CCSER1: variants seen among roughly 807,000 people sequenced by gnomAD.
The protein encoded by CCSER1 is coiled-coil serine rich protein 1, also known as serine-rich coiled-coil domain-containing protein 1.
A neutral mutation model predicts 82.0 loss-of-function variants in CCSER1; 41 were observed. The observed-to-expected ratio is 0.50, with a 90% CI of 0.39 to 0.65. CCSER1 has a LOEUF of 0.65. CCSER1 is among the 30% of genes least tolerant of loss of function. The pLI, the probability that CCSER1 is intolerant of heterozygous loss-of-function variation, is 0.00. For synonymous variants in CCSER1, 414 were observed against 383.9 expected, an observed-to-expected ratio of 1.08 and a Z score of -0.92; for missense variants, 1,119 against 1,064.2, an observed-to-expected ratio of 1.05 and a Z score of -0.72.
intron 10 of CCSER1, among the ~76,000 whole-genome samples, chr4:91,294,746 G>T (rs1744028772): frequency 6.6e-6 from 1 of 151,710 alleles, no homozygotes; most frequent in Non-Finnish European, 1.5e-5. Context: ...AAACTCATTG[G>T]ATTTAGGATT....
At chr4:90,306,365 GAT>G (rs142168111) in intron 1 of CCSER1, among the ~76,000 whole-genome samples, 4,795 of 152,144 alleles carry the variant, frequency 0.032, 191 homozygotes, top group African/African-American at 0.096. Context: ...TACAAAAAAT[GAT>G]ATGTATATGA....
chr4:91,054,837 G>T (rs1056138259), intron 9 of CCSER1, among the ~76,000 whole-genome samples: 1 of 152,070 alleles, frequency 6.6e-6, no homozygotes, highest in Non-Finnish European at 1.5e-5. Context: ...CAGCATGTTG[G>T]TGCTCAAAGA....
At chr4:90,998,153 T>C (rs1737664949) in intron 9 of CCSER1, among the ~76,000 whole-genome samples, 1 of 152,174 alleles carries the variant, frequency 6.6e-6, no homozygotes, top group Non-Finnish European at 1.5e-5. Context: ...CGATCTTGGC[T>C]CACCGCAACC....
At chr4:90,595,510 CTTGTATT>C (rs1178176919) in intron 5 of CCSER1, among the ~76,000 whole-genome samples, 1 of 133,274 alleles carries the variant, frequency 7.5e-6, no homozygotes, top group Non-Finnish European at 1.6e-5. Context: ...CTGGGCTTAG[CTTGTATT>C]CCTAGTTTGG....
intron 3 of CCSER1, among the ~76,000 whole-genome samples, chr4:90,326,186 G>A (rs978894605): frequency 4.0e-5 from 6 of 151,004 alleles, no homozygotes; most frequent in Admixed American, 1.3e-4. Flanking sequence ...AGCCTCCTGA[G>A]TAGCTGGGAC....
intron 5 of CCSER1, among the ~76,000 whole-genome samples, chr4:90,484,402 C>T (rs1470922329): frequency 6.6e-6 from 1 of 152,164 alleles, no homozygotes; most frequent in African/African-American, 2.4e-5. Context: ...CAGCTTTATT[C>T]CATTGCTGGT....
At chr4:91,058,112 C>G (rs1010984820) in intron 9 of CCSER1, among the ~76,000 whole-genome samples, 2 of 152,002 alleles carry the variant, frequency 1.3e-5, no homozygotes, top group East Asian at 3.9e-4. Flanking sequence ...TTTCATCACC[C>G]AGGTGTTAAG....
intron 9 of CCSER1, among the ~76,000 whole-genome samples, chr4:90,957,842 A>T (rs930155616): frequency 6.6e-6 from 1 of 151,372 alleles, no homozygotes; most frequent in African/African-American, 2.4e-5. Flanking sequence ...CTAACAGATT[A>T]TCACATATTG....
At chr4:91,229,836 GGTT>G (rs1489235956) in intron 10 of CCSER1, among the ~76,000 whole-genome samples, 2 of 152,020 alleles carry the variant, frequency 1.3e-5, no homozygotes, top group Non-Finnish European at 2.9e-5. Flanking sequence ...GCTTGTCGGG[GGTT>G]GAGGGGAAAA....
intron 10 of CCSER1, among the ~76,000 whole-genome samples, chr4:91,582,483 C>G (rs1763779104): frequency 6.6e-6 from 1 of 151,530 alleles, no homozygotes; most frequent in Admixed American, 6.6e-5. Flanking sequence ...TTGGGATTTA[C>G]TATTGCTCAA....
intron 10 of CCSER1, among the ~76,000 whole-genome samples, chr4:91,126,585 AT>A (rs1180357957): frequency 2.0e-5 from 3 of 151,976 alleles, no homozygotes; most frequent in African/African-American, 7.2e-5. Context: ...ATTAGATAAA[AT>A]TCATGTGATT....
At chr4:90,589,469 A>G (rs1017036566) in intron 5 of CCSER1, among the ~76,000 whole-genome samples, 1 of 152,100 alleles carries the variant, frequency 6.6e-6, no homozygotes, top group Non-Finnish European at 1.5e-5. Context: ...TTGGATTTTT[A>G]TGATTTACAA....
chr4:91,604,849 C>T lies in CCSER1; in HGVS notation c.*5792C>T, dbSNP rs1028766527. On this transcript the variant is annotated 3_prime_UTR_variant, in exon 11 of 11. Coordinates refer to ENST00000509176, the MANE Select transcript of CCSER1 (RefSeq NM_001145065.2). Reference sequence around the variant, plus strand: ...AATAAAATGTATTATATTTTGTAGTCAATTATATATACCAAAATAATGTCT... The same window carrying T: ...AATAAAATGTATTATATTTTGTAGTTAATTATATATACCAAAATAATGTCT... The T allele has an allele frequency of 6.6e-6, 1 of 151,800 alleles. No individual in the cohort carries two copies. The highest frequency in any genetic ancestry group is 2.4e-5 in the African/African-American group (1 of 41,374). 9.4% of individuals were successfully genotyped at this position (151,800 alleles called of 1,614,324 possible).
At chr4:90,662,810 C>T (rs1731072463) in intron 6 of CCSER1, among the ~76,000 whole-genome samples, 1 of 152,158 alleles carries the variant, frequency 6.6e-6, no homozygotes, top group Admixed American at 6.6e-5. Context: ...CTACAAATTT[C>T]AAGTCATACA....
intron 7 of CCSER1, chr4:90,727,176 A>C (rs1363381128): frequency 4.4e-6 from 2 of 452,264 alleles, no homozygotes; most frequent in Admixed American, 4.8e-5. Flanking sequence ...CAAATGTATA[A>C]CCTCTAGTTT....
At chr4:90,465,093 A>T (rs1162707571) in intron 4 of CCSER1, among the ~76,000 whole-genome samples, 3 of 151,852 alleles carry the variant, frequency 2.0e-5, no homozygotes, top group Non-Finnish European at 2.9e-5. Context: ...CCTCCCAAGT[A>T]GCCGGGATTA....
chr4:90,451,410 C>T (rs575805925), intron 4 of CCSER1, among the ~76,000 whole-genome samples: 28 of 152,222 alleles, frequency 1.8e-4, no homozygotes, highest in South Asian at 4.1e-4. Flanking sequence ...CAGGGGGACA[C>T]GCCATTGACT....
intron 10 of CCSER1, among the ~76,000 whole-genome samples, chr4:91,464,312 T>C (rs1356423738): frequency 2.6e-5 from 4 of 152,240 alleles, no homozygotes; most frequent in African/African-American, 9.6e-5. Flanking sequence ...CTGAGAGATT[T>C]TGTCACCAAA....
intron 7 of CCSER1, among the ~76,000 whole-genome samples, chr4:90,783,776 T>A (rs534235192): frequency 6.6e-6 from 1 of 152,316 alleles, no homozygotes; most frequent in South Asian, 2.1e-4. Flanking sequence ...CTGTGATGGT[T>A]AATTTTATAA....
Sources: allele counts gnomAD v4.1 joint callset (sites outside exome capture counted in the v4.1 genomes callset), GRCh38; gene constraint gnomAD v4.1.1; transcripts MANE v1.5; gene names NCBI Gene and HGNC (gene_info 2026-07-23, HGNC 2026-07-21).